The following TENM3 variants were observed in gnomAD, a reference collection of about 807,000 sequenced individuals.
The protein encoded by TENM3 is teneurin transmembrane protein 3.
A neutral mutation model predicts 255.1 loss-of-function variants in TENM3; 63 were observed. The ratio of observed to expected loss-of-function variants is 0.25; its 90% CI spans 0.20 to 0.30. TENM3 has a LOEUF of 0.30. TENM3 is among the 10% of genes least tolerant of loss of function. The probability of loss-of-function intolerance (pLI) is 1.00; values close to 1 mark genes in which losing one functional copy is unlikely to be tolerated. For synonymous variants in TENM3, 1,306 were observed against 1,322.3 expected (o/e 0.99, Z 0.27); for missense variants, 2,929 against 3,461.1 (o/e 0.85, Z 3.86).
chr4:182,360,481 TTC>T (rs1164847906), intron 3 of TENM3, among the ~76,000 whole-genome samples: 2 of 147,116 alleles, frequency 1.4e-5, no homozygotes, highest in Admixed American at 1.4e-4. Flanking sequence ...TGTAATGGCC[TTC>T]TTTGTCTCTT....
intron 3 of TENM3, among the ~76,000 whole-genome samples, chr4:182,510,418 A>G (rs1253942785): frequency 6.6e-6 from 1 of 152,104 alleles, no homozygotes; most frequent in East Asian, 1.9e-4. Flanking sequence ...GTCATGTCCC[A>G]CTTGCCTAAA....
chr4:181,841,168 T>C, the TENM3 span, among the ~76,000 whole-genome samples: 2 of 152,146 alleles, frequency 1.3e-5, no homozygotes, highest in African/African-American at 2.4e-5. Context: ...GTTGAATATC[T>C]TTGTCTGTAA....
intron 3 of TENM3, among the ~76,000 whole-genome samples, chr4:182,594,683 GGTGTGTGTGTGTGTGTGTGTGTGTGTGT>G (rs67667219): frequency 7.2e-6 from 1 of 138,156 alleles, no homozygotes; most frequent in Non-Finnish European, 1.5e-5. Flanking sequence ...TTTTTGTTTT[GGTGTGTGTGTGTGTGTGTGTGTGTGTGT>G]GTGTGTGTGT....
chr4:181,566,117 T>C, the TENM3 span, among the ~76,000 whole-genome samples: 458 of 152,204 alleles, frequency 3.0e-3, 1 homozygote, highest in Middle Eastern at 6.8e-3. Context: ...AAATGTTTTG[T>C]ATTAAAATAA....
chr4:181,915,691 G>A, the TENM3 span, among the ~76,000 whole-genome samples: 1 of 148,894 alleles, frequency 6.7e-6, no homozygotes, highest in African/African-American at 2.5e-5. Flanking sequence ...AGGGGAAGGG[G>A]GGAGGGGAGG....
Position 182,628,715 on chromosome 4 carries a change from A to T in TENM3, c.814A>T (p.Thr272Ser). 6.2e-7 allele frequency: 1 copy of T among 1,608,854 alleles called. No individual in the cohort carries two copies. The highest frequency in any genetic ancestry group is 8.5e-7 in the Non-Finnish European group (1 of 1,177,562). Residue 272 changes from threonine (T) to serine (S), a missense_variant, in exon 5 of 28, where the codon ACA (threonine) becomes TCA (serine). Around this residue, in one of 6 missense-constraint regions of TENM3, gnomAD observed 1,608 missense variants for 1,884.4 expected, o/e 0.85. Transcript: ENST00000511685. ...GTTCAGTACTGCAACCCCAGGATAC[A>T]CAATGGCATCTGGCTCTGTTTATTC... The part of the protein sequence containing the change: ...PLFSTATPGY[T>S]MASGSVYSPP...
the TENM3 span, among the ~76,000 whole-genome samples, chr4:182,044,553 T>C: frequency 6.6e-6 from 1 of 152,236 alleles, no homozygotes; most frequent in East Asian, 1.9e-4. Context: ...ACAATTTCCA[T>C]GGCACAGAAT....
intron 1 of TENM3, among the ~76,000 whole-genome samples, chr4:182,293,759 C>T (rs191869058): frequency 2.2e-3 from 339 of 152,174 alleles, no homozygotes; most frequent in African/African-American, 6.4e-3. Flanking sequence ...GCGCCCACCC[C>T]GAGTCCCTTC....
chr4:182,060,386 G>A, the TENM3 span, among the ~76,000 whole-genome samples: 1 of 152,146 alleles, frequency 6.6e-6, no homozygotes, highest in Admixed American at 6.5e-5. Context: ...TTCTATCTCA[G>A]ATCATCAGGC....
rs141800098 is a variant in TENM3, at chr4:182,749,053, C to A, written c.3630-2747C>A. ...AAAGCTTATCACTTGAATGTCCATT[C>A]GTTTTTGCACCAAGAAAACTCACGT... On this transcript the variant is annotated intron_variant, in intron 19 of 27. Coordinates refer to ENST00000511685, the MANE Select transcript of TENM3 (RefSeq NM_001080477.4). Among the ~76,000 whole-genome samples, 934 of 152,192 alleles carry A rather than the reference C, an allele frequency of 6.1e-3. 11 individuals carry two copies. Among genetic ancestry groups the A allele is most frequent in the African/African-American group, 0.021 (882 of 41,518 alleles).
chr4:182,714,165 G>T lies in TENM3; in HGVS notation c.2300G>T (p.Gly767Val), dbSNP rs1235254970. ...QNGWHCVCQP[G>V]WRGAGCDVAM... is the part of the protein sequence containing the mutation. ...GGCTGGCATTGTGTGTGCCAGCCTG[G>T]ATGGAGAGGAGCAGGCTGTGACGTA... Residue 767 changes from glycine (G) to valine (V), a missense_variant, in exon 13 of 28, where the codon GGA (glycine) becomes GTA (valine). By Grantham distance (109) the Gly-to-Val change is moderately radical. Transcript: ENST00000511685. The T allele has an allele frequency of 6.2e-7, 1 of 1,613,644 alleles. No individual in the cohort carries two copies.
chr4:182,521,014 A>G (rs1344815655), intron 3 of TENM3, among the ~76,000 whole-genome samples: 1 of 152,170 alleles, frequency 6.6e-6, no homozygotes, highest in African/African-American at 2.4e-5. Context: ...ATAGATAATA[A>G]CTTTATTCAG....
At chr4:181,681,286 T>C in the TENM3 span, among the ~76,000 whole-genome samples, 453 of 152,162 alleles carry the variant, frequency 3.0e-3, 2 homozygotes, top group African/African-American at 0.01. Context: ...CATTTCAGTT[T>C]TTTTTCGTAG....
the TENM3 span, among the ~76,000 whole-genome samples, chr4:181,496,435 G>A: frequency 1.1e-4 from 16 of 151,998 alleles, no homozygotes; most frequent in Admixed American, 6.6e-4. Context: ...AATGGGCTTC[G>A]GAAATCAGTA....
the TENM3 span, among the ~76,000 whole-genome samples, chr4:181,680,410 G>A: frequency 2.0e-5 from 3 of 152,046 alleles, no homozygotes; most frequent in Non-Finnish European, 4.4e-5. Context: ...TGTAAGCTGA[G>A]ATTTGATTGG....
chr4:182,521,304 TCA>T (rs1466965014), intron 3 of TENM3, among the ~76,000 whole-genome samples: 1 of 152,230 alleles, frequency 6.6e-6, no homozygotes, highest in Non-Finnish European at 1.5e-5. Context: ...CATATATTTA[TCA>T]AGATTTGGCT....
chr4:182,620,316 G>A (rs1366586110), intron 4 of TENM3, among the ~76,000 whole-genome samples: 1 of 152,184 alleles, frequency 6.6e-6, no homozygotes, highest in Admixed American at 6.5e-5. Flanking sequence ...GTTGGACCTT[G>A]AGAACGGGTA....
the TENM3 span, among the ~76,000 whole-genome samples, chr4:182,024,742 G>T: frequency 6.6e-6 from 1 of 152,056 alleles, no homozygotes; most frequent in African/African-American, 2.4e-5. Context: ...TATTGTTACA[G>T]TCACCCTGTT....
At chr4:181,960,735 A>G in the TENM3 span, among the ~76,000 whole-genome samples, 2 of 152,230 alleles carry the variant, frequency 1.3e-5, no homozygotes, top group African/African-American at 4.8e-5. Context: ...GTTTCAAGTC[A>G]TCAACTGCCC....
Sources: gnomAD v4.1 joint callset for allele counts (sites outside exome capture counted in the v4.1 genomes callset) on GRCh38, gnomAD v4.1.1 for gene constraint, gnomAD v4.1.1 regional missense constraint, MANE v1.5 for transcripts, NCBI Gene and HGNC (gene_info 2026-07-23, HGNC 2026-07-21) for gene names.